QTGAL: variants seen among roughly 807,000 people sequenced by gnomAD.
QTGAL encodes BGnT-like protein 1.
chr17:82,997,947 A>ATATATC, the QTGAL span, among the ~76,000 whole-genome samples: 1 of 147,358 alleles, frequency 6.8e-6, no homozygotes, highest in Admixed American at 6.9e-5. Flanking sequence ...ATATATATAT[A>ATATATC]TCTATATCTA....
chr17:83,016,729 A>G, the QTGAL span, among the ~76,000 whole-genome samples: 1 of 141,504 alleles, frequency 7.1e-6, no homozygotes, highest in Admixed American at 7.1e-5. Flanking sequence ...AGGAGAAGGG[A>G]GGAGGGAAGA....
the QTGAL span, among the ~76,000 whole-genome samples, chr17:83,036,457 C>A: frequency 1.1e-3 from 163 of 152,326 alleles, no homozygotes; most frequent in African/African-American, 3.5e-3. Flanking sequence ...AGCTTATGAA[C>A]CTTCATCCAG....
At chr17:83,028,340 C>A in the QTGAL span, among the ~76,000 whole-genome samples, 1 of 150,838 alleles carries the variant, frequency 6.6e-6, no homozygotes, top group Admixed American at 6.6e-5. Context: ...CTGGCTAACA[C>A]GGTGAAACCC....
At chr17:83,005,310 G>T in the QTGAL span, 1 of 1,018,526 alleles carries the variant, frequency 9.8e-7, no homozygotes, top group Non-Finnish European at 1.5e-6. This position sits in a 1 kb window ranked among gnomAD's most constrained non-coding sequence, Gnocchi z 5.6. Flanking sequence ...AGGCAGAGAT[G>T]TCCAGACAGG....
chr17:82,975,036 G>A, the QTGAL span, among the ~76,000 whole-genome samples: 1 of 106,894 alleles, frequency 9.4e-6, no homozygotes, highest in Non-Finnish European at 1.8e-5. Context: ...CACTTATGGG[G>A]AACCAGGGCC....
At chr17:83,008,505 C>T in the QTGAL span, among the ~76,000 whole-genome samples, 1 of 152,174 alleles carries the variant, frequency 6.6e-6, no homozygotes, top group Admixed American at 6.5e-5. Context: ...GCTGTGCTCC[C>T]TAAGTTGCCT....
the QTGAL span, among the ~76,000 whole-genome samples, chr17:82,971,021 C>T: frequency 4.6e-5 from 7 of 152,196 alleles, no homozygotes; most frequent in South Asian, 8.3e-4. Context: ...CGTCGTGGGG[C>T]GCAGTGCGTT....
chr17:82,980,326 G>A, the QTGAL span, among the ~76,000 whole-genome samples: 2 of 152,160 alleles, frequency 1.3e-5, no homozygotes, highest in African/African-American at 4.8e-5. Flanking sequence ...ACCACAATGT[G>A]CGGGTCTGTT....
the QTGAL span, among the ~76,000 whole-genome samples, chr17:82,977,673 C>A: frequency 1.3e-5 from 2 of 151,982 alleles, no homozygotes; most frequent in Non-Finnish European, 1.5e-5. Context: ...CCTCCTCAGA[C>A]AACTAGAAAA....
At chr17:83,035,183 T>A in the QTGAL span, 3 of 244,484 alleles carry the variant, frequency 1.2e-5, no homozygotes, top group Non-Finnish European at 1.9e-5. Flanking sequence ...TATGATATTC[T>A]TTTTTTTTTT....
At chr17:83,051,108 CG>C in the QTGAL span, among the ~76,000 whole-genome samples, 1 of 43,892 alleles carries the variant, frequency 2.3e-5, no homozygotes, top group South Asian at 8.2e-4. Context: ...GGCAGGTGCG[CG>C]GGGGCGAGTC....
the QTGAL span, among the ~76,000 whole-genome samples, chr17:83,045,682 T>C: frequency 6.6e-6 from 1 of 152,198 alleles, no homozygotes; most frequent in Admixed American, 6.5e-5. Context: ...GCAAATTATA[T>C]ATAATAAAGC....
At chr17:83,007,883 T>G in the QTGAL span, among the ~76,000 whole-genome samples, 2 of 152,198 alleles carry the variant, frequency 1.3e-5, no homozygotes, top group Admixed American at 6.5e-5. Flanking sequence ...GGATCTTTTT[T>G]GGCCTCAACA....
the QTGAL span, among the ~76,000 whole-genome samples, chr17:83,044,490 C>T: frequency 8.5e-5 from 13 of 152,268 alleles, no homozygotes; most frequent in South Asian, 4.1e-4. Flanking sequence ...ACCTCCTTAG[C>T]GTAAGAAATG....
chr17:82,944,884 C>CTAAA, the QTGAL span: 2 of 152,150 alleles, frequency 1.3e-5, no homozygotes, highest in African/African-American at 2.4e-5. Flanking sequence ...AGCTGGGACC[C>CTAAA]TAAATAAGTC....
At chr17:82,979,889 G>A in the QTGAL span, among the ~76,000 whole-genome samples, 3 of 152,182 alleles carry the variant, frequency 2.0e-5, no homozygotes, top group Non-Finnish European at 4.4e-5. Flanking sequence ...ACAGGTCAAT[G>A]GACTAGAACA....
At chr17:83,014,562 T>C in the QTGAL span, 3 of 1,605,948 alleles carry the variant, frequency 1.9e-6, no homozygotes, top group East Asian at 2.2e-5. Context: ...TTTGCATTGA[T>C]TGATGCATAG....
At chr17:82,976,586 G>A in the QTGAL span, among the ~76,000 whole-genome samples, 17 of 90,942 alleles carry the variant, frequency 1.9e-4, 3 homozygotes, top group South Asian at 5.9e-3. Context: ...CAAGGGCCCC[G>A]GGACAGAGCC....
chr17:82,967,994 T>C, the QTGAL span, among the ~76,000 whole-genome samples: 1 of 152,066 alleles, frequency 6.6e-6, no homozygotes, highest in Non-Finnish European at 1.5e-5. Context: ...AGTAAAAATC[T>C]TACATAACGC....
Sources: allele counts gnomAD v4.1 joint callset (sites outside exome capture counted in the v4.1 genomes callset), GRCh38; gene constraint gnomAD v4.1.1; non-coding constraint Gnocchi (gnomAD v3.1); transcripts MANE v1.5; gene names NCBI Gene and HGNC (gene_info 2026-07-23, HGNC 2026-07-21).